Variants in VWA3B observed in about 807,000 individuals in gnomAD.
VWA3B encodes von Willebrand factor A domain containing 3B.
In VWA3B, 138 loss-of-function variants were observed where a neutral mutation model predicts 158.3. The ratio of observed to expected loss-of-function variants is 0.87; its 90% CI spans 0.76 to 1.00. VWA3B has a LOEUF of 1.00. Among genes scored for constraint, VWA3B ranks in the 50% least tolerant of loss-of-function variants. VWA3B has a pLI of 0.00. For synonymous variants in VWA3B, 596 were observed against 587.3 expected (o/e 1.01, Z -0.21); for missense variants, 1,555 against 1,565.1 (o/e 0.99, Z 0.11).
intron 5 of VWA3B, among the ~76,000 whole-genome samples, chr2:98,123,455 C>G (rs548425071): frequency 6.6e-6 from 1 of 152,208 alleles, no homozygotes; most frequent in African/African-American, 2.4e-5. Context: ...CTCCTGGCCC[C>G]CTCCAGGCAC....
chr2:98,261,312 C>A (rs1338070195), intron 21 of VWA3B, among the ~76,000 whole-genome samples: 1 of 151,700 alleles, frequency 6.6e-6, no homozygotes, highest in Non-Finnish European at 1.5e-5. Flanking sequence ...TCAGCTTCAA[C>A]CTCTTTCATA....
chr2:98,184,229 C>T (rs899712840), intron 9 of VWA3B, among the ~76,000 whole-genome samples: 9 of 152,190 alleles, frequency 5.9e-5, no homozygotes, highest in African/African-American at 1.7e-4. Flanking sequence ...GAGGCACACT[C>T]GGGAAATGCC....
the VWA3B span, among the ~76,000 whole-genome samples, chr2:98,324,318 A>C: frequency 6.6e-6 from 1 of 152,076 alleles, no homozygotes; most frequent in East Asian, 1.9e-4. Context: ...ATGCACCACC[A>C]CACTCAGCTA....
chr2:98,128,475 G>A, intron 6 of VWA3B, 67 bp downstream of exon 6: 1 of 1,549,604 alleles, frequency 6.5e-7, no homozygotes. Flanking sequence ...TCAACAGTGG[G>A]TCTTGCATTC....
At chr2:98,311,695 C>A (rs1690904360) in intron 26 of VWA3B, 124 bp from the exon 27 acceptor site, 3 of 1,167,924 alleles carry the variant, frequency 2.6e-6, no homozygotes, top group Non-Finnish European at 3.6e-6. Context: ...GCTCCAGAGA[C>A]TCCTTTCCAT....
intron 8 of VWA3B, among the ~76,000 whole-genome samples, chr2:98,170,798 G>T (rs1679519824): frequency 6.6e-6 from 1 of 152,056 alleles, no homozygotes; most frequent in Non-Finnish European, 1.5e-5. Flanking sequence ...GTAGAGACGG[G>T]ATTTCACTGT....
At chr2:98,228,359 C>T (rs965466661) in intron 15 of VWA3B, 27 bp downstream of exon 15, 6 of 1,603,376 alleles carry the variant, frequency 3.7e-6, no homozygotes, top group Non-Finnish European at 4.3e-6. Flanking sequence ...GCCTGTCTCC[C>T]TGCGCTGAGG....
Position 98,161,792 on chromosome 2 carries a change from C to T in VWA3B, c.989-1059C>T, listed in dbSNP as rs569059779. Among the ~76,000 whole-genome samples, 19 of 152,138 alleles carry T rather than the reference C, an allele frequency of 1.2e-4. No individual in the cohort carries two copies. The East Asian group carries it at 2.1e-3, about 17-fold the overall frequency. On this transcript the variant is annotated intron_variant, in intron 7 of 27. Coordinates refer to ENST00000477737, the MANE Select transcript of VWA3B (RefSeq NM_144992.5). ...TGTGATCTCAGCTCACTGCAGCCTC[C>T]GCCTCCCCAGTTCAAGTGATTCTCC...
At chr2:98,159,602 T>G (rs1454584937) in intron 7 of VWA3B, among the ~76,000 whole-genome samples, 3 of 152,104 alleles carry the variant, frequency 2.0e-5, no homozygotes, top group Non-Finnish European at 4.4e-5. Flanking sequence ...GGCGGGGGAT[T>G]GGGCAGGCAT....
intron 8 of VWA3B, among the ~76,000 whole-genome samples, chr2:98,165,673 T>G (rs1679007960): frequency 6.6e-6 from 1 of 152,076 alleles, no homozygotes; most frequent in Admixed American, 6.5e-5. Flanking sequence ...AAATTCCTGG[T>G]GACTGTGGCT....
intron 21 of VWA3B, among the ~76,000 whole-genome samples, chr2:98,268,674 C>T (rs1337439969): frequency 7.1e-6 from 1 of 140,940 alleles, no homozygotes; most frequent in Non-Finnish European, 1.6e-5. Context: ...AATATATCTC[C>T]ATTCCTTTTT....
chr2:98,266,148 G>T (rs1687812020), intron 21 of VWA3B, among the ~76,000 whole-genome samples: 1 of 149,566 alleles, frequency 6.7e-6, no homozygotes, highest in African/African-American at 2.4e-5. Flanking sequence ...GTAATGCCTA[G>T]GTTTTCTTCT....
chr2:98,150,143 A>G (rs747195089), intron 7 of VWA3B, among the ~76,000 whole-genome samples: 6 of 152,236 alleles, frequency 3.9e-5, no homozygotes, highest in South Asian at 2.1e-4. Context: ...GAGCAATTTT[A>G]TCTCCTTTGT....
At chr2:98,311,524 T>C (rs1690891964) in intron 26 of VWA3B, among the ~76,000 whole-genome samples, 1 of 151,642 alleles carries the variant, frequency 6.6e-6, no homozygotes, top group Admixed American at 6.6e-5. Flanking sequence ...TGCTGAGGAG[T>C]TTCCAGGGGC....
At chr2:98,299,040 G>A (rs1690015849) in intron 24 of VWA3B, among the ~76,000 whole-genome samples, 1 of 152,178 alleles carries the variant, frequency 6.6e-6, no homozygotes, top group African/African-American at 2.4e-5. Flanking sequence ...TTTGCTACCC[G>A]GCGTCAGGAG....
intron 1 of VWA3B, among the ~76,000 whole-genome samples, chr2:98,090,405 A>C (rs893880479): frequency 6.6e-6 from 1 of 152,234 alleles, no homozygotes; most frequent in South Asian, 2.1e-4. Context: ...TTATTTGCAC[A>C]TAGCTGTTTC....
At chr2:98,223,298 G>GA (rs1684656815) in intron 14 of VWA3B, among the ~76,000 whole-genome samples, 1 of 77,632 alleles carries the variant, frequency 1.3e-5, no homozygotes, top group Non-Finnish European at 2.5e-5. Context: ...ACAACAGAGA[G>GA]AAAATAGACC....
At chr2:98,290,795 C>A in intron 23 of VWA3B, 173 bp downstream of exon 23, 1 of 518,262 alleles carries the variant, frequency 1.9e-6, no homozygotes, top group Non-Finnish European at 3.4e-6. Context: ...ATGAAATGAG[C>A]GTATTTGGGC....
intron 8 of VWA3B, among the ~76,000 whole-genome samples, chr2:98,166,980 G>A (rs142869203): frequency 3.1e-4 from 47 of 152,256 alleles, no homozygotes; most frequent in African/African-American, 1.1e-3. Context: ...TATACCACGT[G>A]TCCGACCTGC....
Sources: allele counts gnomAD v4.1 joint callset (sites outside exome capture counted in the v4.1 genomes callset), GRCh38; gene constraint gnomAD v4.1.1; transcripts MANE v1.5; gene names NCBI Gene and HGNC (gene_info 2026-07-23, HGNC 2026-07-21).